PLPPR1: variants seen among roughly 807,000 people sequenced by gnomAD.
The protein encoded by PLPPR1 is phospholipid phosphatase-related protein type 1.
In PLPPR1, 10 loss-of-function variants were observed where a neutral mutation model predicts 33.1. That is an observed-to-expected ratio of 0.30 (90% CI 0.19 to 0.51). The LOEUF is 0.51. Among genes scored for constraint, PLPPR1 ranks in the 20% least tolerant of loss-of-function variants. PLPPR1 has a pLI of 0.97. For synonymous variants in PLPPR1, 151 were observed against 151.0 expected, an observed-to-expected ratio of 1.00 and a Z score of 0.00; for missense variants, 304 against 408.1, an observed-to-expected ratio of 0.74 and a Z score of 2.20.
intron 1 of PLPPR1, among the ~76,000 whole-genome samples, chr9:101,167,141 G>GGGGTGTGTGT (rs1297322438): frequency 1.0e-4 from 4 of 39,648 alleles, no homozygotes; most frequent in African/African-American, 1.6e-4. Flanking sequence ...TATGTCTCTC[G>GGGGTGTGTGT]GTGTGTGTGT....
At chr9:101,130,866 T>G (rs1376722687) in intron 1 of PLPPR1, among the ~76,000 whole-genome samples, 1 of 152,086 alleles carries the variant, frequency 6.6e-6, no homozygotes, top group Non-Finnish European at 1.5e-5. Context: ...AAAAAGTATG[T>G]GTTTTGGTTT....
intron 2 of PLPPR1, among the ~76,000 whole-genome samples, chr9:101,244,029 C>T (rs535804203): frequency 2.0e-5 from 3 of 151,418 alleles, no homozygotes; most frequent in African/African-American, 7.3e-5. Context: ...AGGAAAATAA[C>T]CCCAAAAAAA....
chr9:101,166,336 G>T (rs937658383), intron 1 of PLPPR1, among the ~76,000 whole-genome samples: 1 of 152,150 alleles, frequency 6.6e-6, no homozygotes, highest in African/African-American at 2.4e-5. Flanking sequence ...GTTAAATACC[G>T]CATTATAGGC....
intron 1 of PLPPR1, among the ~76,000 whole-genome samples, chr9:101,052,527 G>A (rs529447189): frequency 5.1e-4 from 78 of 152,224 alleles, no homozygotes; most frequent in Non-Finnish European, 9.1e-4. Flanking sequence ...GCCTCACTTG[G>A]CACATACAAG....
At chr9:101,186,308 A>T (rs1475039682) in intron 2 of PLPPR1, among the ~76,000 whole-genome samples, 1 of 151,804 alleles carries the variant, frequency 6.6e-6, no homozygotes, top group Non-Finnish European at 1.5e-5. Context: ...TATCAAGAAA[A>T]TAGGGCGTCT....
Position 101,309,221 on chromosome 9 carries a change from A to G in PLPPR1, c.396A>G (p.Ala132=). 1.9e-6 allele frequency: 3 copies of G among 1,614,098 alleles called. No individual in the cohort carries two copies. The highest frequency in any genetic ancestry group is 2.5e-6 in the Non-Finnish European group (3 of 1,179,992). ...RRIIRFTGVF[A]FGLFATDIFV... ...TAAATCTTCTTATAGGGGTGTTTGC[A>G]TTTGGACTTTTTGCTACTGACATTT... Residue 132 remains alanine, a synonymous_variant, in exon 5 of 8, where the codon GCA becomes GCG. Transcript: ENST00000374874.
At chr9:101,272,646 CAACT>C (rs1828121335) in intron 3 of PLPPR1, among the ~76,000 whole-genome samples, 1 of 152,148 alleles carries the variant, frequency 6.6e-6, no homozygotes, top group African/African-American at 2.4e-5. Flanking sequence ...CAAGAATAGA[CAACT>C]AACAACCAGC....
At chr9:101,180,610 CAGA>C (rs1398091701) in intron 1 of PLPPR1, among the ~76,000 whole-genome samples, 1 of 151,688 alleles carries the variant, frequency 6.6e-6, no homozygotes, top group East Asian at 1.9e-4. Flanking sequence ...TGATTTTCAA[CAGA>C]GGTGCCAAGA....
intron 1 of PLPPR1, among the ~76,000 whole-genome samples, chr9:101,048,512 T>A (rs529764828): frequency 6.6e-6 from 1 of 152,312 alleles, no homozygotes; most frequent in South Asian, 2.1e-4. Context: ...CCACTTTAGG[T>A]TGTAAGGCTA....
intron 1 of PLPPR1, among the ~76,000 whole-genome samples, chr9:101,080,879 A>G (rs1323590529): frequency 6.6e-6 from 1 of 152,182 alleles, no homozygotes; most frequent in Non-Finnish European, 1.5e-5. Context: ...AGGAGGAGCA[A>G]ATGCTTCCTA....
At chr9:101,219,938 C>T (rs769219872) in intron 2 of PLPPR1, among the ~76,000 whole-genome samples, 67 of 152,322 alleles carry the variant, frequency 4.4e-4, no homozygotes, top group Non-Finnish European at 7.6e-4. Context: ...ACTTGCTCAT[C>T]GTGCCAGTGT....
intron 7 of PLPPR1, among the ~76,000 whole-genome samples, chr9:101,321,893 T>C (rs1183084162): frequency 1.3e-5 from 2 of 148,458 alleles, no homozygotes; most frequent in African/African-American, 4.9e-5. Context: ...CCTTACTTTC[T>C]TCATCTATGT....
At chr9:101,279,754 A>T (rs1259411468) in intron 3 of PLPPR1, among the ~76,000 whole-genome samples, 1 of 152,148 alleles carries the variant, frequency 6.6e-6, no homozygotes, top group East Asian at 1.9e-4. Context: ...AAGAAATATT[A>T]TGAGTCAAAT....
At chr9:101,204,968 C>T (rs1366870112) in intron 2 of PLPPR1, among the ~76,000 whole-genome samples, 1 of 152,012 alleles carries the variant, frequency 6.6e-6, no homozygotes, top group Non-Finnish European at 1.5e-5. Flanking sequence ...AATGTGGTAA[C>T]CAACTCATTC....
At chr9:101,172,607 C>T (rs61489062) in intron 1 of PLPPR1, among the ~76,000 whole-genome samples, 21,140 of 152,044 alleles carry the variant, frequency 0.14, 1,661 homozygotes, top group Non-Finnish European at 0.18. Context: ...AGTTTCCACC[C>T]ATGCATGTGC....
At position 101,128,646 on chromosome 9, in the gene PLPPR1, A is replaced by C. The variant is rs187948409; in HGVS notation, c.-45-56804A>C. On this transcript the variant is annotated intron_variant, in intron 1 of 7. Coordinates refer to ENST00000374874, the MANE Select transcript of PLPPR1 (RefSeq NM_207299.2). ...CAAGTTAATCTGAGTTATCTCTCCA[A>C]ATACATAGGTAGGTATTATCAATTT... Among the ~76,000 whole-genome samples, 4 of 152,302 alleles carry C rather than the reference A, an allele frequency of 2.6e-5. No homozygotes were observed. In the East Asian group the frequency reaches 7.7e-4, roughly 29 times the overall value.
chr9:101,031,006 G>A (rs534640134), intron 1 of PLPPR1, among the ~76,000 whole-genome samples: 3 of 152,144 alleles, frequency 2.0e-5, no homozygotes, highest in South Asian at 2.1e-4. Context: ...AAATAGTTTC[G>A]CTTTTATGAT....
At chr9:101,323,492 T>A (rs985499211) in intron 7 of PLPPR1, among the ~76,000 whole-genome samples, 18 of 140,668 alleles carry the variant, frequency 1.3e-4, no homozygotes, top group African/African-American at 4.1e-4. Context: ...AAAAAAAAGT[T>A]TGGGTGAAGA....
At chr9:101,311,521 A>G (rs1419541112) in intron 5 of PLPPR1, among the ~76,000 whole-genome samples, 1 of 152,214 alleles carries the variant, frequency 6.6e-6, no homozygotes, top group African/African-American at 2.4e-5. Flanking sequence ...ATATAATTGG[A>G]AAACATAATA....
Sources: allele counts gnomAD v4.1 joint callset (sites outside exome capture counted in the v4.1 genomes callset), GRCh38; gene constraint gnomAD v4.1.1; transcripts MANE v1.5; gene names NCBI Gene and HGNC (gene_info 2026-07-23, HGNC 2026-07-21).